Variants in MROH2B observed in about 807,000 individuals in gnomAD.
The protein encoded by MROH2B is maestro heat-like repeat-containing protein family member 2B.
In MROH2B, 177 loss-of-function variants were observed where a neutral mutation model predicts 208.6. The ratio of observed to expected loss-of-function variants is 0.85; its 90% CI spans 0.75 to 0.96. The LOEUF (loss-of-function observed/expected upper bound fraction) is 0.96. Ranked by LOEUF, MROH2B falls within the 40% of genes least tolerant of loss-of-function variation. The pLI, the probability that MROH2B is intolerant of heterozygous loss-of-function variation, is 0.00. For missense variants in MROH2B, 2,002 were observed against 1,878.7 expected (o/e 1.07, Z -1.21); for synonymous variants, 728 against 659.0 (o/e 1.10, Z -1.60).
chr5:41,051,154 C>T (rs537868617), intron 12 of MROH2B, 64 bp from the exon 13 acceptor site: 2 of 1,065,596 alleles, frequency 1.9e-6, no homozygotes, highest in African/African-American at 1.7e-5. Flanking sequence ...TCTGACTTTC[C>T]TTGGGTGTGT....
chr5:41,070,714 T>C, intron 1 of MROH2B, 111 bp downstream of exon 1: 1 of 1,054,188 alleles, frequency 9.5e-7, no homozygotes, highest in Non-Finnish European at 1.4e-6. Context: ...CTTTGAGGTG[T>C]ACAGTCCTCC....
intron 17 of MROH2B, among the ~76,000 whole-genome samples, chr5:41,047,072 T>C (rs1974846): frequency 6.6e-6 from 1 of 151,720 alleles, no homozygotes; most frequent in African/African-American, 2.4e-5. Flanking sequence ...CCTTTTAATA[T>C]AGAAAACCTT....
chr5:41,041,803 C>T (rs1029593111), intron 19 of MROH2B, among the ~76,000 whole-genome samples: 13 of 152,106 alleles, frequency 8.5e-5, no homozygotes, highest in Admixed American at 3.3e-4. Context: ...CTTGTAAATT[C>T]AATCATTTTG....
At chr5:41,000,656 G>C (rs369738881) in intron 38 of MROH2B, 22 bp downstream of exon 38, 5 of 1,597,932 alleles carry the variant, frequency 3.1e-6, no homozygotes, top group African/African-American at 2.7e-5. Flanking sequence ...AGGAGGTGCA[G>C]GTGTCTGTGG....
chr5:41,027,263 G>T (rs1249896282), intron 24 of MROH2B, among the ~76,000 whole-genome samples: 1 of 152,116 alleles, frequency 6.6e-6, no homozygotes, highest in African/African-American at 2.4e-5. Flanking sequence ...CCTACAAAAT[G>T]GGAGAAAATT....
Position 41,004,467 on chromosome 5 carries a change from C to T in MROH2B, c.4073G>A (p.Arg1358His), listed in dbSNP as rs376366884. 1.4e-5 allele frequency: 22 copies of T among 1,613,832 alleles called. No individual in the cohort carries two copies. The South Asian group carries it at 1.8e-4, about 13-fold the overall frequency. Residue 1358 changes from arginine to histidine, a missense_variant, in exon 37 of 42, where the codon CGC becomes CAC. By Grantham distance (29) the Arg-to-His change is conservative. Transcript: ENST00000399564. ...CAAGCTTTCACAGACGACTTCAGTG[C>T]GAGCTAGGTGATACAGGCCTCTGAT... ...SIIRGLYHLARTEVVCESLKA... is the reference protein window; with the variant it reads ...SIIRGLYHLAHTEVVCESLKA...
chr5:41,000,124 C>G, intron 39 of MROH2B, 96 bp downstream of exon 39: 3 of 1,516,868 alleles, frequency 2.0e-6, no homozygotes, highest in Non-Finnish European at 2.7e-6. Flanking sequence ...AGTTCTGGCT[C>G]TGGCCAGAAA....
At chr5:41,023,796 A>G (rs1442047945) in intron 24 of MROH2B, among the ~76,000 whole-genome samples, 1 of 152,224 alleles carries the variant, frequency 6.6e-6, no homozygotes, top group African/African-American at 2.4e-5. Flanking sequence ...AGGTCGGGTT[A>G]CTCACAAAGG....
intron 28 of MROH2B, 83 bp from the exon 29 acceptor site, chr5:41,015,561 C>T: frequency 8.5e-7 from 1 of 1,177,318 alleles, no homozygotes; most frequent in Non-Finnish European, 1.2e-6. Context: ...TGATATGACA[C>T]TAAATTAGCT....
intron 11 of MROH2B, 91 bp from the exon 12 acceptor site, chr5:41,052,678 A>G (rs940632728): frequency 8.1e-5 from 100 of 1,231,542 alleles, no homozygotes; most frequent in Non-Finnish European, 1.0e-4. Context: ...AAGGATAATT[A>G]AGTGGGAACA....
chr5:41,027,779 G>C (rs1190688800), intron 24 of MROH2B, among the ~76,000 whole-genome samples: 2 of 152,116 alleles, frequency 1.3e-5, no homozygotes, highest in Non-Finnish European at 2.9e-5. Flanking sequence ...CAAAGACTTG[G>C]AACCAACCCA....
Position 41,018,973 on chromosome 5 carries a change from A to G in MROH2B, c.2487T>C (p.Leu829=), listed in dbSNP as rs941326522. Reference sequence around the variant, plus strand: ...GCAGCAGCCTCCGAATATTCTCCTCAAGAATGTTAAGGTGGTCTTGTAGTG... The same window carrying G: ...GCAGCAGCCTCCGAATATTCTCCTCGAGAATGTTAAGGTGGTCTTGTAGTG... ...QLSLQDHLNI[L]EENIRRLLPL... The change falls in exon 25 of 42, where the codon CTT becomes CTC. Residue 829 remains leucine (L), a synonymous_variant. Transcript: ENST00000399564. 4 of 1,613,754 alleles carry G rather than the reference A, an allele frequency of 2.5e-6. No individual in the cohort carries two copies. In the African/African-American group the frequency reaches 5.3e-5, roughly 22 times the overall value.
chr5:41,000,450 T>A, intron 38 of MROH2B, 99 bp from the exon 39 acceptor site: 1 of 1,482,404 alleles, frequency 6.7e-7, no homozygotes, highest in Non-Finnish European at 9.0e-7. Context: ...GCACTAAAAG[T>A]CAGTGGTGTG....
At position 41,000,743 on chromosome 5, in the gene MROH2B, C is replaced by T; in HGVS notation, c.4285G>A (p.Glu1429Lys). ...GRRWKIFFAE[E>K]IKKSLISFLL... Reference sequence around the variant, plus strand: ...AATGAAATCAGGCTCTTTTTTATTTCTTCAGCAAAAAAAATCTTCCACCTT... The same window carrying T: ...AATGAAATCAGGCTCTTTTTTATTTTTTCAGCAAAAAAAATCTTCCACCTT... The change falls in exon 38 of 42, where the codon GAA (glutamate) becomes AAA (lysine). Residue 1429 changes from glutamate to lysine, a missense_variant. Transcript: ENST00000399564. The T allele has an allele frequency of 6.2e-7, 1 of 1,611,264 alleles. No homozygotes were observed.
chr5:41,050,546 T>C (rs962501959), intron 13 of MROH2B, among the ~76,000 whole-genome samples: 1 of 152,166 alleles, frequency 6.6e-6, no homozygotes, highest in Non-Finnish European at 1.5e-5. Flanking sequence ...CTGTGCTATG[T>C]ACTTCCGGGC....
chr5:41,046,614 C>T (rs888104973), intron 17 of MROH2B, among the ~76,000 whole-genome samples: 7 of 151,342 alleles, frequency 4.6e-5, no homozygotes, highest in Admixed American at 1.3e-4. Flanking sequence ...TAAACAGTTT[C>T]GGAAATTTAA....
rs368383392 is a variant in MROH2B, at chr5:41,009,989, G to C, written c.3226C>G (p.Gln1076Glu). 1.4e-5 allele frequency: 22 copies of C among 1,613,822 alleles called. No homozygotes were observed. Among genetic ancestry groups the C allele is most frequent in the Middle Eastern group, 1.6e-4 (1 of 6,062 alleles). ...GTATCCATGTGAAAGCTGGCTATCT[G>C]GGAGATGGCTTCTAGAATGAACTGA... is the stretch of plus-strand genomic sequence containing the variant. ...SFQFILEAIS[Q>E]IASFHMDTVV... Residue 1076 changes from glutamine (Q) to glutamate (E), a missense_variant, in exon 31 of 42, where the codon CAG (glutamine) becomes GAG (glutamate). Transcript: ENST00000399564.
At chr5:41,021,981 T>A (rs889513370) in intron 24 of MROH2B, among the ~76,000 whole-genome samples, 15 of 152,102 alleles carry the variant, frequency 9.9e-5, no homozygotes, top group African/African-American at 3.4e-4. Context: ...GACCATTCCA[T>A]GGGGAAAGGA....
chr5:41,006,710 T>C (rs1419074736), intron 34 of MROH2B, among the ~76,000 whole-genome samples: 2 of 152,226 alleles, frequency 1.3e-5, no homozygotes, highest in African/African-American at 4.8e-5. Flanking sequence ...TTGGAGACTA[T>C]TATTCTATGT....
Sources: allele counts gnomAD v4.1 joint callset (sites outside exome capture counted in the v4.1 genomes callset), GRCh38; gene constraint gnomAD v4.1.1; transcripts MANE v1.5; gene names NCBI Gene and HGNC (gene_info 2026-07-23, HGNC 2026-07-21).